ALLC: variants seen among roughly 807,000 people sequenced by gnomAD.
The protein encoded by ALLC is allantoicase, also known as probable inactive allantoicase.
In ALLC, 40 loss-of-function variants were observed where a neutral mutation model predicts 45.0. The ratio of observed to expected loss-of-function variants is 0.89; its 90% CI spans 0.69 to 1.16. The LOEUF (loss-of-function observed/expected upper bound fraction) is 1.16. Ranked by LOEUF, ALLC falls within the 50% of genes most tolerant of loss-of-function variation. The pLI is 0.00. For synonymous variants in ALLC, 176 were observed against 178.1 expected, an observed-to-expected ratio of 0.99 and a Z score of 0.09; for missense variants, 488 against 493.1, an observed-to-expected ratio of 0.99 and a Z score of 0.10.
intron 8 of ALLC, 144 bp downstream of exon 8, chr2:3,696,016 T>C: frequency 9.7e-7 from 1 of 1,031,842 alleles, no homozygotes. Flanking sequence ...GTGTAGGATT[T>C]GATGCCTTTA....
chr2:3,654,475 G>A (rs1666399240), upstream of ALLC, among the ~76,000 whole-genome samples: 1 of 152,252 alleles, frequency 6.6e-6, no homozygotes, highest in African/African-American at 2.4e-5. Flanking sequence ...AGGAGGTGAG[G>A]ATTGCTGGGG....
At chr2:3,697,965 CTTAT>C (rs1293226942) in intron 10 of ALLC, among the ~76,000 whole-genome samples, 3 of 150,430 alleles carry the variant, frequency 2.0e-5, no homozygotes, top group African/African-American at 4.9e-5. Flanking sequence ...GCGCCCGACC[CTTAT>C]TTATTTATTT....
In ALLC at chr2:3,702,486, C is replaced by T. The variant is rs1667888999; in HGVS notation, c.1099C>T (p.Pro367Ser). 1 of 1,611,964 alleles carries T rather than the reference C, an allele frequency of 6.2e-7. No individual in the cohort carries two copies. Among genetic ancestry groups the T allele is most frequent in the Non-Finnish European group, 8.5e-7 (1 of 1,179,544 alleles). ...GAGCCGCCTTCGGCTCCGGGGCTTC[C>T]CCAGCTCCATCTGCCTCCTGAGGCC... ...GVSRLRLRGF[P>S]SSICLLRPRE... Residue 367 changes from proline to serine, a missense_variant, in exon 12 of 12, where the codon CCC (proline) becomes TCC (serine). Physicochemically the swap from Pro to Ser is moderately conservative, Grantham distance 74 (BLOSUM62 -1). Transcript: ENST00000252505.
chr2:3,646,011 G>A, the ALLC span, among the ~76,000 whole-genome samples: 1 of 152,134 alleles, frequency 6.6e-6, no homozygotes, highest in Non-Finnish European at 1.5e-5. Context: ...TAAAGATAGT[G>A]TCTCCCTTCC....
chr2:3,663,534 A>G (rs1558533938), intron 1 of ALLC, among the ~76,000 whole-genome samples: 1 of 152,118 alleles, frequency 6.6e-6, no homozygotes, highest in Non-Finnish European at 1.5e-5. Flanking sequence ...ACGTTTACCT[A>G]CGGAACAAAC....
chr2:3,656,282 G>A (rs866492311), upstream of ALLC, among the ~76,000 whole-genome samples: 1 of 151,894 alleles, frequency 6.6e-6, no homozygotes, highest in Non-Finnish European at 1.5e-5. Context: ...AGGCAGGAGG[G>A]TTGAAGCCCC....
intron 3 of ALLC, among the ~76,000 whole-genome samples, chr2:3,677,134 A>G (rs922806026): frequency 2.6e-5 from 4 of 152,112 alleles, no homozygotes; most frequent in Non-Finnish European, 5.9e-5. Context: ...GGAACATCAC[A>G]TGGCATGAGC....
chr2:3,667,756 CAG>C (rs1666765110), intron 1 of ALLC, among the ~76,000 whole-genome samples: 1 of 152,184 alleles, frequency 6.6e-6, no homozygotes, highest in Admixed American at 6.5e-5. Flanking sequence ...TCCGGAAAGG[CAG>C]ATAATAAATA....
intron 10 of ALLC, among the ~76,000 whole-genome samples, 161 bp from the exon 11 acceptor site, chr2:3,701,351 T>A (rs1484964506): frequency 1.3e-5 from 2 of 152,174 alleles, no homozygotes; most frequent in Non-Finnish European, 2.9e-5. Context: ...ACAAACCGGT[T>A]TGTTCCTTCC....
At chr2:3,673,818 G>A (rs1159968361) in intron 2 of ALLC, among the ~76,000 whole-genome samples, 1 of 152,196 alleles carries the variant, frequency 6.6e-6, no homozygotes, top group African/African-American at 2.4e-5. Context: ...CTTCTTGAGT[G>A]TAAGATGTTA....
At chr2:3,664,915 C>A (rs1384736378) in intron 1 of ALLC, among the ~76,000 whole-genome samples, 3 of 151,368 alleles carry the variant, frequency 2.0e-5, no homozygotes, top group East Asian at 1.9e-4. Flanking sequence ...AACCCCCCCC[C>A]AAACCAGATG....
At chr2:3,671,243 C>T (rs1666860682) in intron 2 of ALLC, 53 bp downstream of exon 2, 2 of 1,574,712 alleles carry the variant, frequency 1.3e-6, no homozygotes, top group African/African-American at 1.3e-5. Flanking sequence ...GTGCTAAGGG[C>T]ACAACTCACC....
At chr2:3,665,236 C>G (rs1666674640) in intron 1 of ALLC, among the ~76,000 whole-genome samples, 1 of 151,932 alleles carries the variant, frequency 6.6e-6, no homozygotes. Flanking sequence ...ATTTATTTCC[C>G]AAAGAGAAAC....
intron 7 of ALLC, chr2:3,688,161 C>T (rs1302088005): frequency 5.9e-6 from 1 of 168,434 alleles, no homozygotes; most frequent in East Asian, 1.9e-4. Context: ...CTGGCACTCA[C>T]TATAGCCCAA....
In ALLC at chr2:3,680,216, T is replaced by C. The variant is rs1667142065; in HGVS notation, c.298+222T>C. ...ATAGTGTTAACAGCCAGATATAGAT[T>C]TTATCATTCCCACGGTCCTTCAGCT... On this transcript the variant is annotated intron_variant, in intron 5 of 11. Transcript: ENST00000252505. This position sits in a 1 kb window ranked among gnomAD's most constrained non-coding sequence, Gnocchi z 4.0. 6.6e-6 allele frequency among the ~76,000 whole-genome samples: 1 copy of C among 152,182 alleles called. No individual in the cohort carries two copies. The highest frequency in any genetic ancestry group is 2.4e-5 in the African/African-American group (1 of 41,422).
chr2:3,702,572 A>G lies in ALLC; in HGVS notation c.*9A>G. On this transcript the variant is annotated 3_prime_UTR_variant, in exon 12 of 12. Coordinates refer to ENST00000252505, the MANE Select transcript of ALLC (RefSeq NM_018436.4). ...TCAAAGCAAACCCTTAACACACACA[A>G]AGCCCCGGTGTCGGACACACAGCAG... 6.6e-7 allele frequency: 1 copy of G among 1,526,652 alleles called. No homozygotes were observed. The highest frequency in any genetic ancestry group is 8.8e-7 in the Non-Finnish European group (1 of 1,137,016). The allele number at this position is 1,526,652 out of a possible 1,614,324, so 94.6% of individuals were successfully genotyped here. A position where few individuals can be genotyped will look rare whatever the true frequency, so the allele number is the denominator to read the frequency against.
intron 10 of ALLC, among the ~76,000 whole-genome samples, chr2:3,697,660 T>TATC (rs1220379684): frequency 6.6e-6 from 1 of 150,776 alleles, no homozygotes; most frequent in Non-Finnish European, 1.5e-5. Context: ...TCTATCTATC[T>TATC]ATCTATCTTT....
chr2:3,673,762 A>T (rs1020327962), intron 2 of ALLC, among the ~76,000 whole-genome samples: 3 of 152,224 alleles, frequency 2.0e-5, no homozygotes, highest in African/African-American at 7.2e-5. Context: ...TTGTAAAAGT[A>T]GCACGAAACC....
At position 3,696,334 on chromosome 2, in the gene ALLC, C is replaced by A. The variant is rs1360781279; in HGVS notation, c.727C>A (p.Pro243Thr). Residue 243 changes from proline to threonine, a missense_variant, in exon 9 of 12, where the codon CCA becomes ACA. Pro to Thr is a conservative substitution (Grantham distance 38). Coordinates refer to ENST00000252505, the MANE Select transcript of ALLC (RefSeq NM_018436.4). The part of the protein sequence containing the change: ...GWETARRLDR[P>T]PILENDENGI... ...GGAAACTGCAAGAAGGCTGGACCGGCCACCAATATTAGAAGTAAGAAGTTA... is the reference window on the plus strand; with the variant it reads ...GGAAACTGCAAGAAGGCTGGACCGGACACCAATATTAGAAGTAAGAAGTTA... 6.2e-7 allele frequency: 1 copy of A among 1,612,740 alleles called. No individual in the cohort carries two copies. The highest frequency in any genetic ancestry group is 1.3e-5 in the African/African-American group (1 of 74,972).
Sources: allele counts gnomAD v4.1 joint callset (sites outside exome capture counted in the v4.1 genomes callset), GRCh38; gene constraint gnomAD v4.1.1; non-coding constraint Gnocchi (gnomAD v3.1); transcripts MANE v1.5; gene names NCBI Gene and HGNC (gene_info 2026-07-23, HGNC 2026-07-21).